SPON1: variants seen among roughly 807,000 people sequenced by gnomAD.
SPON1 encodes the protein spondin-1.
In SPON1, 52 loss-of-function variants were observed where a neutral mutation model predicts 111.7. The ratio of observed to expected loss-of-function variants is 0.47; its 90% CI spans 0.37 to 0.59. The LOEUF (loss-of-function observed/expected upper bound fraction) is 0.59, where lower values mean the gene tolerates loss of function less well. Ranked by LOEUF, SPON1 falls within the 20% of genes least tolerant of loss-of-function variation. SPON1 has a pLI of 0.00. For missense variants in SPON1, 957 were observed against 1,068.5 expected, an observed-to-expected ratio of 0.90 and a Z score of 1.46; for synonymous variants, 410 against 395.8, an observed-to-expected ratio of 1.04 and a Z score of -0.43.
intron 6 of SPON1, among the ~76,000 whole-genome samples, chr11:14,156,195 G>A (rs1847844034): frequency 7.3e-6 from 1 of 136,786 alleles, no homozygotes; most frequent in South Asian, 2.5e-4. Flanking sequence ...TCTAACTGGT[G>A]TGAGATAGTA....
chr11:14,038,396 G>T (rs1848609888), intron 2 of SPON1, among the ~76,000 whole-genome samples: 1 of 151,862 alleles, frequency 6.6e-6, no homozygotes, highest in Admixed American at 6.6e-5. Flanking sequence ...CTGAACGTGG[G>T]AGGCAGAGGT....
chr11:14,171,166 T>A (rs1848094815), intron 6 of SPON1, among the ~76,000 whole-genome samples: 1 of 152,248 alleles, frequency 6.6e-6, no homozygotes, highest in African/African-American at 2.4e-5. Flanking sequence ...TTGCCTCAAT[T>A]TCAGAGCCTG....
At chr11:14,165,567 C>T (rs576531387) in intron 6 of SPON1, among the ~76,000 whole-genome samples, 12 of 152,200 alleles carry the variant, frequency 7.9e-5, no homozygotes, top group East Asian at 7.7e-4. Context: ...ATAACGAGTC[C>T]GAGGATGAGG....
At chr11:14,100,054 TCAATATGAGATTTGGAGGGGACAAA>T (rs1554924245) in intron 5 of SPON1, among the ~76,000 whole-genome samples, 1 of 152,032 alleles carries the variant, frequency 6.6e-6, no homozygotes, top group Non-Finnish European at 1.5e-5. Context: ...GGGTTACATT[TCAATATGAGATTTGGAGGGGACAAA>T]CATCCAAACC....
intron 6 of SPON1, among the ~76,000 whole-genome samples, chr11:14,234,993 G>C (rs1420791099): frequency 6.6e-6 from 1 of 152,192 alleles, no homozygotes; most frequent in African/African-American, 2.4e-5. Context: ...CGGCCAGCCA[G>C]CCCACCTGAG....
chr11:14,207,322 A>C (rs189060019), intron 6 of SPON1, among the ~76,000 whole-genome samples: 1 of 152,332 alleles, frequency 6.6e-6, no homozygotes, highest in East Asian at 1.9e-4. Flanking sequence ...AGATTTCATG[A>C]CAAAGAAGCC....
At chr11:14,026,425 T>G (rs1848518508) in intron 2 of SPON1, among the ~76,000 whole-genome samples, 1 of 152,214 alleles carries the variant, frequency 6.6e-6, no homozygotes. Flanking sequence ...CAGTAAGATA[T>G]ACATCTGTGC....
chr11:13,982,460 C>A (rs1429082608), intron 1 of SPON1, among the ~76,000 whole-genome samples: 3 of 152,214 alleles, frequency 2.0e-5, no homozygotes, highest in Non-Finnish European at 4.4e-5. Context: ...GGTCATCCTA[C>A]AGGATTTTGT....
chr11:14,257,623 GC>G (rs1394598529), intron 10 of SPON1, 92 bp from the exon 11 acceptor site: 2 of 1,261,316 alleles, frequency 1.6e-6, no homozygotes, highest in Non-Finnish European at 2.1e-6. Flanking sequence ...TGGCAGCATG[GC>G]TTTTCTTGTC....
chr11:14,096,027 T>C (rs1332399331), intron 5 of SPON1, among the ~76,000 whole-genome samples: 5 of 152,160 alleles, frequency 3.3e-5, no homozygotes, highest in Admixed American at 6.5e-5. Context: ...GTCACAAATA[T>C]AGGATTTCAC....
At chr11:14,138,432 A>AT (rs1564913395) in intron 6 of SPON1, among the ~76,000 whole-genome samples, 1 of 152,164 alleles carries the variant, frequency 6.6e-6, no homozygotes, top group Admixed American at 6.5e-5. Context: ...CACCAAGAAA[A>AT]TTAATGAAAA....
chr11:13,990,024 T>C (rs1554910904), intron 2 of SPON1, among the ~76,000 whole-genome samples: 1 of 152,206 alleles, frequency 6.6e-6, no homozygotes, highest in African/African-American at 2.4e-5. Flanking sequence ...TATATTCTGT[T>C]GATTTGGGGT....
At chr11:14,210,231 A>T (rs1554936562) in intron 6 of SPON1, among the ~76,000 whole-genome samples, 1 of 152,054 alleles carries the variant, frequency 6.6e-6, no homozygotes, top group Non-Finnish European at 1.5e-5. Flanking sequence ...CTCTGATGGT[A>T]GTTTCTTTTG....
chr11:14,179,341 T>C (rs1373973559), intron 6 of SPON1, among the ~76,000 whole-genome samples: 4 of 152,236 alleles, frequency 2.6e-5, no homozygotes, highest in Non-Finnish European at 4.4e-5. Context: ...CATATGTATT[T>C]ATTTATTGTT....
intron 6 of SPON1, among the ~76,000 whole-genome samples, chr11:14,196,935 A>C (rs1554935148): frequency 6.6e-6 from 1 of 152,170 alleles, no homozygotes; most frequent in Non-Finnish European, 1.5e-5. Context: ...CTTTAGTCCC[A>C]GCTACTTGGG....
intron 6 of SPON1, among the ~76,000 whole-genome samples, chr11:14,236,009 A>G (rs1848862075): frequency 6.6e-6 from 1 of 152,142 alleles, no homozygotes; most frequent in Non-Finnish European, 1.5e-5. Context: ...GTAGTAAGAG[A>G]TGAGGCTCAG....
At chr11:14,225,735 T>A (rs551359188) in intron 6 of SPON1, among the ~76,000 whole-genome samples, 111 of 152,324 alleles carry the variant, frequency 7.3e-4, no homozygotes, top group Admixed American at 3.4e-3. Context: ...AAATATCTTA[T>A]CAGAGAGAAG....
At chr11:14,064,512 G>T (rs1200349299) in intron 3 of SPON1, among the ~76,000 whole-genome samples, 2 of 152,204 alleles carry the variant, frequency 1.3e-5, no homozygotes, top group Non-Finnish European at 2.9e-5. Flanking sequence ...GGGGAGGGGG[G>T]TATCAGACCT....
intron 6 of SPON1, among the ~76,000 whole-genome samples, chr11:14,156,019 A>G (rs1363075171): frequency 8.0e-6 from 1 of 124,462 alleles, no homozygotes; most frequent in African/African-American, 2.8e-5. Context: ...ATACCCAGTA[A>G]TGGGATGGCT....
Sources: allele counts gnomAD v4.1 joint callset (sites outside exome capture counted in the v4.1 genomes callset), GRCh38; gene constraint gnomAD v4.1.1; transcripts MANE v1.5; gene names NCBI Gene and HGNC (gene_info 2026-07-23, HGNC 2026-07-21).